IP6K1: variants seen among roughly 807,000 people sequenced by gnomAD.
IP6K1 encodes inositol hexakisphosphate kinase 1, also known as ATP:1D-myo-inositol-hexakisphosphate phosphotransferase.
A neutral mutation model predicts 38.3 loss-of-function variants in IP6K1; 13 were observed. The ratio of observed to expected loss-of-function variants is 0.34; its 90% confidence interval spans 0.22 to 0.54. IP6K1 has a LOEUF of 0.54. IP6K1 is among the 20% of genes least tolerant of loss of function. The pLI, the probability that IP6K1 is intolerant of heterozygous loss-of-function variation, is 0.92. For synonymous variants in IP6K1, 212 were observed against 229.9 expected (o/e 0.92, Z 0.70); for missense variants, 397 against 599.8 (o/e 0.66, Z 3.53).
intron 1 of IP6K1, among the ~76,000 whole-genome samples, chr3:49,756,543 C>A (rs2080824706): frequency 6.6e-6 from 1 of 152,078 alleles, no homozygotes; most frequent in East Asian, 1.9e-4. Flanking sequence ...AAGGGCCGGG[C>A]GCAGTGGCTC....
Position 49,748,834 on chromosome 3 carries a change from A to C in IP6K1, c.-128-666T>G, listed in dbSNP as rs374637740. On this transcript the variant is annotated intron_variant, in intron 1 of 5. Coordinates refer to ENST00000321599, the MANE Select transcript of IP6K1 (RefSeq NM_153273.4). Reference sequence around the variant, plus strand: ...TTGTACATTGTATTTCTATTACTACATTGTAATATACAATAAAATAATTAT... The same window carrying C: ...TTGTACATTGTATTTCTATTACTACCTTGTAATATACAATAAAATAATTAT... 2.0e-5 allele frequency: 3 copies of C among 152,394 alleles called. No homozygotes were observed. The East Asian group carries it at 5.8e-4, about 29-fold the overall frequency. The allele number at this position is 152,394 out of a possible 1,614,324, so 9.4% of individuals were successfully genotyped here. A position where few individuals can be genotyped will look rare whatever the true frequency, so the allele number is the denominator to read the frequency against.
At chr3:49,762,930 C>T (rs771305183) in intron 1 of IP6K1, among the ~76,000 whole-genome samples, 1 of 151,912 alleles carries the variant, frequency 6.6e-6, no homozygotes, top group African/African-American at 2.4e-5. Context: ...CACAACCACG[C>T]CCAGCTAATT....
intron 1 of IP6K1, among the ~76,000 whole-genome samples, chr3:49,781,467 G>A (rs1381570498): frequency 6.6e-6 from 1 of 152,156 alleles, no homozygotes; most frequent in Non-Finnish European, 1.5e-5. Flanking sequence ...GAGCAGAAAT[G>A]TTTTGGGGAC....
In IP6K1 at chr3:49,735,748, A is replaced by G. The variant is rs905410500; in HGVS notation, c.434+2464T>C. ...GACATGGGCATGTCCTTGTTCACCA[A>G]ACTGAGTGAGGAGAACTGGAATGTC... On this transcript the variant is annotated intron_variant, in intron 3 of 5. Coordinates refer to ENST00000321599, the MANE Select transcript of IP6K1 (RefSeq NM_153273.4). Among the ~76,000 whole-genome samples the G allele has an allele frequency of 3.9e-5, 6 of 152,160 alleles. No homozygotes were observed. The East Asian group carries it at 1.2e-3, about 29-fold the overall frequency.
chr3:49,748,541 T>C (rs1253174629), intron 1 of IP6K1, among the ~76,000 whole-genome samples: 1 of 152,218 alleles, frequency 6.6e-6, no homozygotes, highest in African/African-American at 2.4e-5. Context: ...AATGGGAATT[T>C]GTTCTGTTCA....
At chr3:49,754,349 C>G (rs957938301) in intron 1 of IP6K1, among the ~76,000 whole-genome samples, 35 of 150,892 alleles carry the variant, frequency 2.3e-4, no homozygotes, top group African/African-American at 7.8e-4. Context: ...GCACTCCAGC[C>G]TGGGTGACAG....
chr3:49,742,410 G>A (rs1293344308), intron 2 of IP6K1, among the ~76,000 whole-genome samples: 1 of 152,226 alleles, frequency 6.6e-6, no homozygotes, highest in African/African-American at 2.4e-5. Flanking sequence ...TTAGCCGGGC[G>A]TGGTGGTACA....
chr3:49,766,162 C>A (rs1301628522), intron 1 of IP6K1, among the ~76,000 whole-genome samples: 2 of 151,744 alleles, frequency 1.3e-5, no homozygotes, highest in Non-Finnish European at 2.9e-5. Context: ...GGCTTCAGAG[C>A]AAGACTCCAT....
intron 1 of IP6K1, among the ~76,000 whole-genome samples, chr3:49,776,889 G>C (rs1359833052): frequency 1.3e-5 from 2 of 152,202 alleles, no homozygotes; most frequent in Non-Finnish European, 2.9e-5. Flanking sequence ...CAAGAAAGCA[G>C]GCTGGGGTTG....
At position 49,727,517 on chromosome 3, in the gene IP6K1, T is replaced by C. The variant is rs780565971; in HGVS notation, c.931A>G (p.Ile311Val). ...TTCAGGCCCCGCAGTTTGCTCAGGA[T>C]AGGCTCAAACAGGTCACGTCGCAGG... Reference protein sequence around the residue: ...LDLRRDLFEPILSKLRGLKAV... With the variant: ...LDLRRDLFEPVLSKLRGLKAV... Residue 311 changes from isoleucine (I) to valine (V), a missense_variant, in exon 6 of 6, where the codon ATC (isoleucine) becomes GTC (valine). Ile to Val is a conservative substitution (Grantham distance 29, BLOSUM62 3). Around this residue, in one of 3 missense-constraint regions of IP6K1, gnomAD observed 164 missense variants for 213.5 expected, o/e 0.77. Transcript: ENST00000321599. The surrounding 1 kb of genome is among the most constrained non-coding windows in gnomAD (Gnocchi z 5.9). The C allele has an allele frequency of 6.2e-7, 1 of 1,614,094 alleles. No individual in the cohort carries two copies. The highest frequency in any genetic ancestry group is 2.2e-5 in the East Asian group (1 of 44,900).
intron 1 of IP6K1, among the ~76,000 whole-genome samples, chr3:49,774,019 A>C (rs62260660): frequency 2.9e-5 from 3 of 102,820 alleles, no homozygotes; most frequent in African/African-American, 1.1e-4. Context: ...ACACACACAC[A>C]ACACACACAT....
At chr3:49,750,520 C>T (rs1229424324) in intron 1 of IP6K1, among the ~76,000 whole-genome samples, 1 of 152,062 alleles carries the variant, frequency 6.6e-6, no homozygotes, top group Non-Finnish European at 1.5e-5. Context: ...CATGGCGAAA[C>T]CCCGTCTCTT....
At chr3:49,745,988 A>G (rs1259679646) in intron 2 of IP6K1, among the ~76,000 whole-genome samples, 1 of 152,234 alleles carries the variant, frequency 6.6e-6, no homozygotes, top group East Asian at 1.9e-4. Flanking sequence ...GACATTAGGA[A>G]AAAGCAAGTC....
At chr3:49,740,248 T>A (rs2080654427) in intron 2 of IP6K1, among the ~76,000 whole-genome samples, 1 of 149,870 alleles carries the variant, frequency 6.7e-6, no homozygotes. Context: ...TTTTTTTTTT[T>A]TTGGTAGCGA....
intron 2 of IP6K1, among the ~76,000 whole-genome samples, chr3:49,745,515 T>C (rs569807194): frequency 6.6e-6 from 1 of 151,960 alleles, no homozygotes; most frequent in Admixed American, 6.6e-5. Context: ...CTGAGTTGAG[T>C]TTGAGACCAG....
chr3:49,764,603 G>A (rs575737648), intron 1 of IP6K1, among the ~76,000 whole-genome samples: 87 of 152,214 alleles, frequency 5.7e-4, no homozygotes, highest in Middle Eastern at 3.4e-3. Flanking sequence ...TGAAGTCCAG[G>A]TGTGGTGGCT....
At chr3:49,736,105 G>A (rs2080608940) in intron 3 of IP6K1, among the ~76,000 whole-genome samples, 1 of 152,084 alleles carries the variant, frequency 6.6e-6, no homozygotes, top group African/African-American at 2.4e-5. Flanking sequence ...TACTAGAGAT[G>A]GAGTTTCACC....
At chr3:49,785,315 G>C (rs375238917) in intron 1 of IP6K1, among the ~76,000 whole-genome samples, 3 of 152,120 alleles carry the variant, frequency 2.0e-5, no homozygotes, top group South Asian at 4.2e-4. Flanking sequence ...AGACCAGCCT[G>C]GCCAACATGG....
intron 1 of IP6K1, among the ~76,000 whole-genome samples, chr3:49,766,908 C>CGA (rs2080916122): frequency 8.2e-6 from 1 of 122,056 alleles, no homozygotes; most frequent in South Asian, 2.8e-4. Flanking sequence ...GAGGTTGCAG[C>CGA]GAGCGTGCCA....
Sources: allele counts gnomAD v4.1 joint callset (sites outside exome capture counted in the v4.1 genomes callset), GRCh38; gene constraint gnomAD v4.1.1; regional missense constraint gnomAD v4.1.1; non-coding constraint Gnocchi (gnomAD v3.1); transcripts MANE v1.5; gene names NCBI Gene and HGNC (gene_info 2026-07-23, HGNC 2026-07-21).